LHFPL3: variants seen among roughly 807,000 people sequenced by gnomAD.
LHFPL3 encodes the protein LHFPL tetraspan subfamily member 3 protein.
LHFPL3 carries 5 observed loss-of-function variants against 19.3 expected under a neutral mutation model. The observed-to-expected ratio is 0.26, with a 90% CI of 0.14 to 0.54. The LOEUF (loss-of-function observed/expected upper bound fraction) is 0.54. Ranked by LOEUF, LHFPL3 falls within the 20% of genes least tolerant of loss-of-function variation. The pLI, the probability that LHFPL3 is intolerant of heterozygous loss-of-function variation, is 0.94. For synonymous variants in LHFPL3, 133 were observed against 126.2 expected, an observed-to-expected ratio of 1.05 and a Z score of -0.36; for missense variants, 249 against 307.4, an observed-to-expected ratio of 0.81 and a Z score of 1.42.
At chr7:104,867,988 T>C (rs920380184) in intron 2 of LHFPL3, among the ~76,000 whole-genome samples, 11 of 152,286 alleles carry the variant, frequency 7.2e-5, no homozygotes, top group African/African-American at 2.6e-4. Flanking sequence ...CATATGATTA[T>C]CTCAATAGAT....
intron 1 of LHFPL3, among the ~76,000 whole-genome samples, chr7:104,351,567 G>A (rs564684302): frequency 6.6e-6 from 1 of 152,128 alleles, no homozygotes; most frequent in East Asian, 1.9e-4. Flanking sequence ...TTATTTTCAG[G>A]AGAAAATTAA....
intron 1 of LHFPL3, among the ~76,000 whole-genome samples, chr7:104,651,609 TA>T (rs1181763302): frequency 6.6e-6 from 1 of 152,252 alleles, no homozygotes; most frequent in Non-Finnish European, 1.5e-5. Flanking sequence ...TCCAGCATCA[TA>T]ATTGTTTATA....
intron 1 of LHFPL3, among the ~76,000 whole-genome samples, chr7:104,576,561 C>G (rs114315841): frequency 0.013 from 2,007 of 152,252 alleles, 36 homozygotes; most frequent in African/African-American, 0.046. Flanking sequence ...ATTCACCTAC[C>G]TTAGTACCAT....
intron 1 of LHFPL3, among the ~76,000 whole-genome samples, chr7:104,571,230 T>G (rs188807315): frequency 1.3e-5 from 2 of 152,346 alleles, no homozygotes; most frequent in Admixed American, 1.3e-4. Context: ...AGTATCTACT[T>G]TAGACTGTAA....
At chr7:104,845,182 A>G (rs1241187883) in intron 2 of LHFPL3, among the ~76,000 whole-genome samples, 1 of 152,234 alleles carries the variant, frequency 6.6e-6, no homozygotes, top group Non-Finnish European at 1.5e-5. Flanking sequence ...AGCAAGTAGC[A>G]GGACTAAAGT....
intron 2 of LHFPL3, among the ~76,000 whole-genome samples, chr7:104,845,172 A>G (rs1341099683): frequency 1.3e-5 from 2 of 152,244 alleles, no homozygotes; most frequent in Admixed American, 6.5e-5. Flanking sequence ...TCCTACAGCC[A>G]GCAAGTAGCA....
At chr7:104,472,184 A>AG (rs1792923379) in intron 1 of LHFPL3, among the ~76,000 whole-genome samples, 1 of 151,916 alleles carries the variant, frequency 6.6e-6, no homozygotes, top group African/African-American at 2.4e-5. Flanking sequence ...CTCAAAAAAA[A>AG]AAAAAAATCA....
At chr7:104,396,442 A>G (rs913196187) in intron 1 of LHFPL3, among the ~76,000 whole-genome samples, 9 of 152,102 alleles carry the variant, frequency 5.9e-5, no homozygotes, top group African/African-American at 1.9e-4. Context: ...GAGGCTGACT[A>G]ACCAACTGAA....
intron 1 of LHFPL3, among the ~76,000 whole-genome samples, chr7:104,516,772 A>T (rs41059): frequency 1.3e-5 from 2 of 151,880 alleles, no homozygotes; most frequent in African/African-American, 2.4e-5. Flanking sequence ...AACTACCATT[A>T]GACCCAATAA....
Position 104,445,946 on chromosome 7 carries a change from ATCT to A in LHFPL3, c.445+116726_445+116728del, listed in dbSNP as rs546104738. On this transcript the variant is annotated intron_variant, in intron 1 of 2. Coordinates refer to ENST00000424859, the MANE Select transcript of LHFPL3 (RefSeq NM_199000.3). ...CCTGATCCATAAAGCAGGATATTTCATCTTCTACTGGGGTTGCTAATGAAAGTC... is the reference window on the plus strand; with the variant it reads ...CCTGATCCATAAAGCAGGATATTTCATCTACTGGGGTTGCTAATGAAAGTC... 3.6e-3 allele frequency among the ~76,000 whole-genome samples: 549 copies of A among 152,228 alleles called. 5 individuals are homozygous for A. The highest frequency in any genetic ancestry group is 0.013 in the African/African-American group (541 of 41,546).
intron 1 of LHFPL3, among the ~76,000 whole-genome samples, chr7:104,654,256 T>C (rs1301006328): frequency 6.6e-6 from 1 of 152,184 alleles, no homozygotes; most frequent in East Asian, 1.9e-4. Context: ...GGCAGAAAAT[T>C]CAAGGGCCGA....
chr7:104,617,101 C>A (rs887147720), intron 1 of LHFPL3, among the ~76,000 whole-genome samples: 4 of 152,084 alleles, frequency 2.6e-5, no homozygotes, highest in African/African-American at 9.7e-5. Context: ...GGCGATTCCT[C>A]AAGGATCTAG....
chr7:104,778,506 G>A (rs1794668473), intron 2 of LHFPL3, among the ~76,000 whole-genome samples: 3 of 152,220 alleles, frequency 2.0e-5, no homozygotes, highest in African/African-American at 7.2e-5. Context: ...TGGTTCCCAA[G>A]TGGAATTAAA....
At chr7:104,472,868 A>T (rs941111741) in intron 1 of LHFPL3, among the ~76,000 whole-genome samples, 7 of 152,172 alleles carry the variant, frequency 4.6e-5, no homozygotes, top group Admixed American at 1.3e-4. Flanking sequence ...TAGAAATGCA[A>T]TTTTATCATA....
chr7:104,528,228 GC>G (rs777745545), intron 1 of LHFPL3, among the ~76,000 whole-genome samples: 1 of 152,176 alleles, frequency 6.6e-6, no homozygotes, highest in East Asian at 1.9e-4. Context: ...GCCACCAGGG[GC>G]TTTGTCAACA....
In LHFPL3 at chr7:104,736,721, C is replaced by G. The variant is rs1793829263; in HGVS notation, c.492C>G (p.Asp164Glu). Residue 164 changes from aspartate (D) to glutamate (E), a missense_variant, in exon 2 of 3, where the codon GAC (aspartate) becomes GAG (glutamate). Asp to Glu is a conservative substitution (Grantham distance 45). Coordinates refer to ENST00000424859, the MANE Select transcript of LHFPL3 (RefSeq NM_199000.3). Reference protein sequence around the residue: ...LGCMIFPDGWDSDEVKRMCGE... With the variant: ...LGCMIFPDGWESDEVKRMCGE... ...GTATGATTTTCCCTGATGGCTGGGA[C>G]TCAGATGAAGTAAAACGGATGTGTG... 6.2e-7 allele frequency: 1 copy of G among 1,613,522 alleles called. No individual in the cohort carries two copies. Among genetic ancestry groups the G allele is most frequent in the Non-Finnish European group, 8.5e-7 (1 of 1,179,812 alleles).
chr7:104,853,159 C>T (rs1791443153), intron 2 of LHFPL3, among the ~76,000 whole-genome samples: 1 of 152,256 alleles, frequency 6.6e-6, no homozygotes. Context: ...TATTGCCCAC[C>T]TCGATCCAGT....
rs1584363037 is a variant in LHFPL3 at position 104,501,484 on chromosome 7, T to C, written c.445+172260T>C. On this transcript the variant is annotated intron_variant, in intron 1 of 2. Coordinates refer to ENST00000424859, the MANE Select transcript of LHFPL3 (RefSeq NM_199000.3). ...TGCTAATAAAATTTGGAGTTCTATC[T>C]AAAGGCACTTTTTTTTGCATGAGTT... is the stretch of plus-strand genomic sequence containing the variant. 2.0e-5 allele frequency among the ~76,000 whole-genome samples: 3 copies of C among 152,228 alleles called. No homozygotes were observed. In the East Asian group the frequency reaches 5.8e-4, roughly 29 times the overall value.
At chr7:104,839,864 T>TA (rs1161809706) in intron 2 of LHFPL3, among the ~76,000 whole-genome samples, 2 of 152,120 alleles carry the variant, frequency 1.3e-5, no homozygotes, top group Non-Finnish European at 2.9e-5. Context: ...TGGGAAGCAG[T>TA]ATGGTGGGGT....
Sources: allele counts gnomAD v4.1 joint callset (sites outside exome capture counted in the v4.1 genomes callset), GRCh38; gene constraint gnomAD v4.1.1; transcripts MANE v1.5; gene names NCBI Gene and HGNC (gene_info 2026-07-23, HGNC 2026-07-21).